Variants in PRR16 observed in about 807,000 individuals in gnomAD.
The protein encoded by PRR16 is proline rich 16, also known as protein Largen.
In PRR16, 6 loss-of-function variants were observed where a neutral mutation model predicts 18.2. That is an observed-to-expected ratio of 0.33 (90% CI 0.18 to 0.65). The LOEUF (loss-of-function observed/expected upper bound fraction) is 0.65, where lower values mean the gene tolerates loss of function less well. Ranked by LOEUF, PRR16 falls within the 30% of genes least tolerant of loss-of-function variation. PRR16 has a pLI of 0.74. For missense variants in PRR16, 412 were observed against 376.6 expected, an observed-to-expected ratio of 1.09 and a Z score of -0.78; for synonymous variants, 151 against 147.8, an observed-to-expected ratio of 1.02 and a Z score of -0.16.
chr5:120,601,691 G>A (rs1378554519), intron 1 of PRR16, among the ~76,000 whole-genome samples: 1 of 151,910 alleles, frequency 6.6e-6, no homozygotes, highest in African/African-American at 2.4e-5. Flanking sequence ...AATTTTTATA[G>A]TGTGAGGCCT....
downstream of PRR16, among the ~76,000 whole-genome samples, chr5:120,690,466 A>G (rs1580886274): frequency 6.6e-6 from 1 of 152,270 alleles, no homozygotes; most frequent in Admixed American, 6.5e-5. Context: ...CCTATGTTCC[A>G]AGTTGTAGCA....
rs542567455 is a variant in PRR16, at chr5:120,489,554, G to A, written c.159+24909G>A. ...TTTGAGCCTATGTGTGTCTCTGCAC[G>A]TGAGATGGGTTTCCTGAATACAGCA... On this transcript the variant is annotated intron_variant, in intron 1 of 1. Transcript: ENST00000407149. 1.3e-4 allele frequency among the ~76,000 whole-genome samples: 20 copies of A among 152,180 alleles called. No homozygotes were observed. In the South Asian group the frequency reaches 2.3e-3, roughly 17 times the overall value.
the PRR16 span, among the ~76,000 whole-genome samples, chr5:120,747,415 T>C: frequency 1.3e-5 from 2 of 152,204 alleles, no homozygotes; most frequent in African/African-American, 2.4e-5. Flanking sequence ...TCCGTAAATG[T>C]GTGAGCTGCA....
chr5:120,602,245 T>C (rs1370606920), intron 1 of PRR16, among the ~76,000 whole-genome samples: 1 of 151,910 alleles, frequency 6.6e-6, no homozygotes, highest in African/African-American at 2.4e-5. Context: ...CTTTTACTAG[T>C]GTTGTGCAAT....
chr5:120,695,188 T>A, the PRR16 span, among the ~76,000 whole-genome samples: 1 of 152,198 alleles, frequency 6.6e-6, no homozygotes, highest in East Asian at 1.9e-4. Flanking sequence ...TATTTTATCT[T>A]TTTTTAAAAA....
At chr5:120,590,784 C>T (rs1753608397) in intron 1 of PRR16, among the ~76,000 whole-genome samples, 2 of 151,976 alleles carry the variant, frequency 1.3e-5, no homozygotes, top group Non-Finnish European at 2.9e-5. Flanking sequence ...AAGTCAAGCT[C>T]CTATCTCATG....
intron 1 of PRR16, among the ~76,000 whole-genome samples, chr5:120,559,924 T>C (rs1025773730): frequency 1.3e-5 from 2 of 151,912 alleles, no homozygotes; most frequent in African/African-American, 4.8e-5. Context: ...GATAATTTTT[T>C]ATTTATTTTT....
chr5:120,600,311 C>G (rs1753941947), intron 1 of PRR16, among the ~76,000 whole-genome samples: 1 of 151,832 alleles, frequency 6.6e-6, no homozygotes, highest in Admixed American at 6.6e-5. Context: ...TGTTTAACCC[C>G]AAAGACTTTA....
chr5:120,524,113 G>A (rs1227654156), intron 1 of PRR16, among the ~76,000 whole-genome samples: 1 of 152,128 alleles, frequency 6.6e-6, no homozygotes, highest in East Asian at 1.9e-4. Context: ...AGACACAGAA[G>A]TTTATGTAAA....
At chr5:120,712,432 CTTCT>C in the PRR16 span, among the ~76,000 whole-genome samples, 2 of 152,128 alleles carry the variant, frequency 1.3e-5, no homozygotes, top group East Asian at 1.9e-4. Context: ...GACTTTTTCT[CTTCT>C]TTCTTTCATT....
At chr5:120,648,704 G>GTT (rs1755676819) in intron 1 of PRR16, among the ~76,000 whole-genome samples, 1 of 152,094 alleles carries the variant, frequency 6.6e-6, no homozygotes, top group Non-Finnish European at 1.5e-5. Context: ...TGATGGGAGG[G>GTT]TTAAATACGG....
chr5:120,777,941 C>T, the PRR16 span, among the ~76,000 whole-genome samples: 5 of 152,212 alleles, frequency 3.3e-5, no homozygotes, highest in African/African-American at 1.2e-4. Context: ...AACACTGAAA[C>T]TACTTTTGGT....
chr5:120,773,524 C>G, the PRR16 span, among the ~76,000 whole-genome samples: 1 of 152,174 alleles, frequency 6.6e-6, no homozygotes, highest in Non-Finnish European at 1.5e-5. Flanking sequence ...AGCTGCCACT[C>G]AATACTTTCA....
rs3047950 is a variant in PRR16, at chr5:120,530,254, A to AATATATATATATATATATATAT, written c.159+65618_159+65639dup. 2.0e-4 allele frequency among the ~76,000 whole-genome samples: 21 copies of AATATATATATATATATATATAT among 106,706 alleles called. 1 individual carries two copies. The highest frequency in any genetic ancestry group is 2.7e-4 in the Non-Finnish European group (15 of 55,158). The allele number at this position is 106,706 out of a possible 152,430, so 70.0% of individuals were successfully genotyped here. On this transcript the variant is annotated intron_variant, in intron 1 of 1. Transcript: ENST00000407149. The stretch of plus-strand genomic sequence containing the variant: ...TGCTGTTTTACCTGAAGTGTGTGTA[A>AATATATATATATATATATATAT]ATATATATATATATATATATATATA...
chr5:120,744,837 A>G, the PRR16 span, among the ~76,000 whole-genome samples: 2 of 152,086 alleles, frequency 1.3e-5, no homozygotes, highest in African/African-American at 4.8e-5. Context: ...AGGAAAAGGG[A>G]TTGTCAATGG....
chr5:120,512,542 G>T (rs1750861986), intron 1 of PRR16, among the ~76,000 whole-genome samples: 1 of 152,166 alleles, frequency 6.6e-6, no homozygotes, highest in African/African-American at 2.4e-5. Flanking sequence ...ATAGAAAAAA[G>T]AATCTGAGAC....
chr5:120,600,560 T>C (rs1209005948), intron 1 of PRR16, among the ~76,000 whole-genome samples: 1 of 151,926 alleles, frequency 6.6e-6, no homozygotes, highest in Non-Finnish European at 1.5e-5. Context: ...TTTTATTTAA[T>C]TTTATAATTT....
chr5:120,484,750 A>G (rs1446808020), intron 1 of PRR16, among the ~76,000 whole-genome samples: 1 of 149,910 alleles, frequency 6.7e-6, no homozygotes, highest in African/African-American at 2.4e-5. Context: ...TTGCAACACA[A>G]TGTCATAATG....
At chr5:120,533,350 G>A (rs749172562) in intron 1 of PRR16, among the ~76,000 whole-genome samples, 5 of 152,072 alleles carry the variant, frequency 3.3e-5, no homozygotes, top group Non-Finnish European at 5.9e-5. Context: ...TAGCTCTGTT[G>A]GAGCTTAAAA....
Sources: gnomAD v4.1 joint callset for allele counts (sites outside exome capture counted in the v4.1 genomes callset) on GRCh38, gnomAD v4.1.1 for gene constraint, MANE v1.5 for transcripts, NCBI Gene and HGNC (gene_info 2026-07-23, HGNC 2026-07-21) for gene names.